NRG1: variants seen among roughly 807,000 people sequenced by gnomAD.
The protein encoded by NRG1 is pro-neuregulin-1, membrane-bound isoform.
In NRG1, 18 loss-of-function variants were observed where a neutral mutation model predicts 63.8. The ratio of observed to expected loss-of-function variants is 0.28; its 90% CI spans 0.19 to 0.42. The LOEUF (loss-of-function observed/expected upper bound fraction) is 0.42. NRG1 is among the 10% of genes least tolerant of loss of function. The pLI, the probability that NRG1 is intolerant of heterozygous loss-of-function variation, is 1.00. For missense variants in NRG1, 762 were observed against 814.7 expected (o/e 0.94, Z 0.79); for synonymous variants, 302 against 301.3 (o/e 1.00, Z -0.02).
At chr8:32,200,032 G>A (rs958944511) in intron 1 of NRG1, among the ~76,000 whole-genome samples, 3 of 152,144 alleles carry the variant, frequency 2.0e-5, no homozygotes, top group African/African-American at 4.8e-5. Context: ...GCCCGTCTCA[G>A]CCTCCCAAAG....
rs117019683 is a variant in NRG1 at position 32,602,158 on chromosome 8, G to C, written c.279-3404G>C. On this transcript the variant is annotated intron_variant, in intron 2 of 11. Transcript: ENST00000356819. ...GTCATGGCTGCCTTAGAAATTCACA[G>C]TACAGATTTGCAAAAATTCACTGAG... Among the ~76,000 whole-genome samples, 1,336 of 152,162 alleles carry C rather than the reference G, an allele frequency of 8.8e-3. 4 individuals are homozygous for C. Among genetic ancestry groups the C allele is most frequent in the Middle Eastern group, 0.037 (11 of 294 alleles).
intron 1 of NRG1, chr8:32,026,133 A>C (rs1586568323): frequency 6.8e-6 from 1 of 147,340 alleles, no homozygotes; most frequent in Non-Finnish European, 1.5e-5. Flanking sequence ...CAGCGGCAGG[A>C]TCTCGACTCA....
At chr8:31,670,451 T>C (rs1225544207) in intron 1 of NRG1, among the ~76,000 whole-genome samples, 1 of 152,216 alleles carries the variant, frequency 6.6e-6, no homozygotes, top group Non-Finnish European at 1.5e-5. Context: ...AAAATAAGTA[T>C]TCCATTTAAT....
chr8:32,200,910 C>T (rs1843436322), intron 1 of NRG1, among the ~76,000 whole-genome samples: 1 of 151,934 alleles, frequency 6.6e-6, no homozygotes, highest in Non-Finnish European at 1.5e-5. Flanking sequence ...TTTAAGTCAC[C>T]TGGCTGTGCA....
rs73675136 is a variant in NRG1, at chr8:32,403,959, G to T, written c.38-191869G>T. The stretch of plus-strand genomic sequence containing the variant: ...ATTCTGTTGCCACCTTCCCAAGCAG[G>T]TAGTGCCTTTAAAAAACAAAAAACA... On this transcript the variant is annotated intron_variant, in intron 1 of 10. Coordinates refer to the NRG1 transcript ENST00000519301. Among the ~76,000 whole-genome samples the T allele has an allele frequency of 6.4e-3, 968 of 152,184 alleles. 12 individuals are homozygous for T. The highest frequency in any genetic ancestry group is 0.022 in the African/African-American group (929 of 41,498).
At chr8:32,491,649 G>C (rs186209912) in intron 1 of NRG1, among the ~76,000 whole-genome samples, 1,856 of 152,200 alleles carry the variant, frequency 0.012, 42 homozygotes, top group African/African-American at 0.042. Context: ...CATCTGCATA[G>C]CTGCTAGAGG....
intron 1 of NRG1, among the ~76,000 whole-genome samples, chr8:32,370,998 G>T (rs1305892283): frequency 1.3e-5 from 2 of 151,778 alleles, no homozygotes; most frequent in Non-Finnish European, 2.9e-5. Flanking sequence ...AATCACCTGA[G>T]GTTAGGAGTT....
intron 1 of NRG1, among the ~76,000 whole-genome samples, chr8:32,396,961 GC>G (rs1812511170): frequency 6.6e-6 from 1 of 152,074 alleles, no homozygotes; most frequent in Non-Finnish European, 1.5e-5. Flanking sequence ...AATTCTTGTA[GC>G]CTCTATCCAT....
At chr8:31,911,543 A>T (rs1490800309) in intron 1 of NRG1, among the ~76,000 whole-genome samples, 1 of 152,176 alleles carries the variant, frequency 6.6e-6, no homozygotes, top group African/African-American at 2.4e-5. Flanking sequence ...ATGAGACCAC[A>T]TGGGCACATA....
intron 1 of NRG1, among the ~76,000 whole-genome samples, chr8:32,388,586 C>T (rs1029076064): frequency 6.6e-6 from 1 of 152,048 alleles, no homozygotes; most frequent in Non-Finnish European, 1.5e-5. Context: ...TGGAAACAAC[C>T]CCACAGTAGA....
Position 31,853,837 on chromosome 8 carries a change from G to A in NRG1, c.37+214406G>A, listed in dbSNP as rs953043409. 5.9e-5 allele frequency among the ~76,000 whole-genome samples: 9 copies of A among 151,974 alleles called. No individual in the cohort carries two copies. The East Asian group carries it at 1.7e-3, about 29-fold the overall frequency. On this transcript the variant is annotated intron_variant, in intron 1 of 10. Coordinates refer to the NRG1 transcript ENST00000519301. Reference sequence around the variant, plus strand: ...TTAGCATGAAGAGTTGTTGAATTTTGTCAAAGGCCTTTTCTGCATCTATTG... The same window carrying A: ...TTAGCATGAAGAGTTGTTGAATTTTATCAAAGGCCTTTTCTGCATCTATTG...
intron 1 of NRG1, among the ~76,000 whole-genome samples, chr8:31,944,227 T>A (rs559050686): frequency 6.6e-6 from 1 of 152,336 alleles, no homozygotes; most frequent in East Asian, 1.9e-4. Flanking sequence ...TCTAACCCTT[T>A]CATTTTCAAA....
intron 1 of NRG1, among the ~76,000 whole-genome samples, chr8:31,866,636 A>G (rs1828989509): frequency 6.6e-6 from 1 of 152,128 alleles, no homozygotes; most frequent in Non-Finnish European, 1.5e-5. Context: ...TTTATTGTGT[A>G]TATTTTTGAA....
intron 1 of NRG1, among the ~76,000 whole-genome samples, chr8:32,113,567 C>T: frequency 6.6e-6 from 1 of 152,170 alleles, no homozygotes; most frequent in East Asian, 1.9e-4. Flanking sequence ...TTCAGCTCTT[C>T]CAAGCCTCTT....
At chr8:32,593,437 T>A (rs1370850494) in intron 1 of NRG1, among the ~76,000 whole-genome samples, 2 of 152,036 alleles carry the variant, frequency 1.3e-5, no homozygotes, top group African/African-American at 4.8e-5. Flanking sequence ...GCAGATTGTT[T>A]GAGCCCAGGA....
chr8:32,104,920 T>A lies in NRG1; in HGVS notation c.37+465489T>A, dbSNP rs984277936. Among the ~76,000 whole-genome samples the A allele has an allele frequency of 2.8e-4, 43 of 151,106 alleles. 1 individual carries two copies. The East Asian group carries it at 5.1e-3, about 18-fold the overall frequency. ...TTTCACAGTTAACTTTTTTTTTTTTTAATAAAAAATACATGTAGAAGCAGT... is the reference window on the plus strand; with the variant it reads ...TTTCACAGTTAACTTTTTTTTTTTTAAATAAAAAATACATGTAGAAGCAGT... On this transcript the variant is annotated intron_variant, in intron 1 of 10. Transcript: ENST00000519301.
At chr8:32,625,897 G>A (rs1338599648) in intron 5 of NRG1, among the ~76,000 whole-genome samples, 4 of 150,786 alleles carry the variant, frequency 2.7e-5, no homozygotes, top group African/African-American at 4.9e-5. Flanking sequence ...GGGTTCAAGC[G>A]ATTCTTTTGC....
At chr8:31,856,064 C>T (rs1460794213) in intron 1 of NRG1, among the ~76,000 whole-genome samples, 1 of 150,924 alleles carries the variant, frequency 6.6e-6, no homozygotes, top group Non-Finnish European at 1.5e-5. Context: ...TTCATTTCAA[C>T]TTTGGTGAAT....
At chr8:32,435,825 T>C (rs559012482) in intron 1 of NRG1, among the ~76,000 whole-genome samples, 3 of 152,336 alleles carry the variant, frequency 2.0e-5, no homozygotes, top group East Asian at 3.9e-4. Context: ...TAATATAGGA[T>C]GTACATCCTA....
Sources: gnomAD v4.1 joint callset for allele counts (sites outside exome capture counted in the v4.1 genomes callset) on GRCh38, gnomAD v4.1.1 for gene constraint, MANE v1.5 for transcripts, NCBI Gene and HGNC (gene_info 2026-07-23, HGNC 2026-07-21) for gene names.